GOLGA3: variants seen among roughly 807,000 people sequenced by gnomAD.
GOLGA3 encodes the protein golgin A3, also known as golgin subfamily A member 3.
GOLGA3 carries 75 observed loss-of-function variants against 169.4 expected under a neutral mutation model. The observed-to-expected ratio is 0.44, with a 90% CI of 0.37 to 0.54. The LOEUF (loss-of-function observed/expected upper bound fraction) is 0.54, where lower values mean the gene tolerates loss of function less well. GOLGA3 is among the 20% of genes least tolerant of loss of function. GOLGA3 has a pLI of 0.00. For missense variants in GOLGA3, 1,899 were observed against 1,930.0 expected, an observed-to-expected ratio of 0.98 and a Z score of 0.30; for synonymous variants, 824 against 822.4, an observed-to-expected ratio of 1.00 and a Z score of -0.03.
intron 1 of GOLGA3, among the ~76,000 whole-genome samples, chr12:132,824,732 G>A (rs888455295): frequency 5.3e-5 from 8 of 152,194 alleles, no homozygotes; most frequent in Non-Finnish European, 7.3e-5. Context: ...TTTTCCGGGT[G>A]GGTGGGTGAT....
intron 13 of GOLGA3, among the ~76,000 whole-genome samples, chr12:132,787,563 TTCCTGAGA>T (rs2045965377): frequency 1.8e-4 from 2 of 11,348 alleles, no homozygotes; most frequent in South Asian, 2.3e-3. Context: ...CCCAGGACCC[TTCCTGAGA>T]CCCCGGGACC....
chr12:132,773,236 A>G lies in GOLGA3; in HGVS notation c.4366T>C (p.Ser1456Pro). The change falls in exon 24 of 24, where the codon TCT becomes CCT. Residue 1456 changes from serine to proline, a missense_variant. Coordinates refer to ENST00000450791, the MANE Select transcript of GOLGA3 (RefSeq NM_001389683.1). ...TCCAGCGGCGTCCACGAGGACAGAG[A>G]CTCGTGCACCGTCAGGGCGTGCTCC... ...MEEHALTVHE[S>P]LSSWTPLEPA... 6.4e-7 allele frequency: 1 copy of G among 1,552,518 alleles called. No individual in the cohort carries two copies. The highest frequency in any genetic ancestry group is 1.2e-5 in the South Asian group (1 of 85,434).
rs1457823005 is a variant in GOLGA3 at position 132,782,481 on chromosome 12, T to C, written c.3280A>G (p.Arg1094Gly). 6.2e-7 allele frequency: 1 copy of C among 1,613,500 alleles called. No individual in the cohort carries two copies. The highest frequency in any genetic ancestry group is 8.5e-7 in the Non-Finnish European group (1 of 1,179,368). Residue 1094 changes from arginine (R) to glycine (G), a missense_variant, in exon 17 of 24, where the codon AGA (arginine) becomes GGA (glycine). Arg to Gly is a moderately radical substitution (Grantham distance 125). Coordinates refer to ENST00000450791, the MANE Select transcript of GOLGA3 (RefSeq NM_001389683.1). Reference sequence around the variant, plus strand: ...CGTTTTATCTTCTTCCTAAAGCCTCTGGATTCTTGAAGCTGAAACATACCA... The same window carrying C: ...CGTTTTATCTTCTTCCTAAAGCCTCCGGATTCTTGAAGCTGAAACATACCA... ...LELEDELQES[R>G]GFRKKIKRLE...
At chr12:132,791,380 G>A (rs1435294393) in intron 11 of GOLGA3, 87 bp from the exon 12 acceptor site, 4 of 710,974 alleles carry the variant, frequency 5.6e-6, no homozygotes, top group Admixed American at 2.3e-5. Flanking sequence ...GCCTCCAGGA[G>A]GGGAACACAT....
intron 23 of GOLGA3, 54 bp from the exon 24 acceptor site, chr12:132,773,348 C>T (rs190685447): frequency 8.6e-6 from 10 of 1,168,418 alleles, no homozygotes; most frequent in Admixed American, 3.2e-5. Flanking sequence ...CCAGGCAGAA[C>T]GCGCCACCTG....
intron 4 of GOLGA3, among the ~76,000 whole-genome samples, chr12:132,811,062 G>GCACGTGACC (rs936745391): frequency 1.3e-5 from 2 of 152,224 alleles, no homozygotes; most frequent in African/African-American, 4.8e-5. Context: ...TGTCCAGTGG[G>GCACGTGACC]CACGTGACCC....
chr12:132,810,824 C>T (rs923426533), intron 4 of GOLGA3, among the ~76,000 whole-genome samples: 21 of 152,326 alleles, frequency 1.4e-4, no homozygotes, highest in Middle Eastern at 3.4e-3. Flanking sequence ...GTCAGGCCCG[C>T]GCACAGTTAT....
At chr12:132,786,652 C>A in intron 14 of GOLGA3, 41 bp downstream of exon 14, 3 of 1,479,876 alleles carry the variant, frequency 2.0e-6, no homozygotes, top group Non-Finnish European at 2.8e-6. Flanking sequence ...CCGCACCTCC[C>A]ACCTGGCCCC....
chr12:132,820,893 A>G (rs1950176686), intron 2 of GOLGA3, among the ~76,000 whole-genome samples: 1 of 151,998 alleles, frequency 6.6e-6, no homozygotes, highest in African/African-American at 2.4e-5. Flanking sequence ...TGAGATCAGG[A>G]GTTCGAGACC....
rs1184870561 is a variant in GOLGA3, at chr12:132,807,939, T to C, written c.1130A>G (p.Gln377Arg). 6.3e-7 allele frequency: 1 copy of C among 1,578,816 alleles called. No individual in the cohort carries two copies. Among genetic ancestry groups the C allele is most frequent in the Non-Finnish European group, 8.6e-7 (1 of 1,158,208 alleles). The change falls in exon 5 of 24, where the codon CAG becomes CGG. Residue 377 changes from glutamine (Q) to arginine (R), a missense_variant. By Grantham distance (43) the Gln-to-Arg change is conservative. Coordinates refer to ENST00000450791, the MANE Select transcript of GOLGA3 (RefSeq NM_001389683.1). ...ACTCCGCACCTCCCCGTTGACCTCC[T>C]GCCCCTGGTCTTGGTGCTCAGCGGC... is the stretch of plus-strand genomic sequence containing the variant. ...AAAAEHQDQGQEVNGEVRSRR... is the reference protein window; with the variant it reads ...AAAAEHQDQGREVNGEVRSRR...
chr12:132,820,981 T>C (rs950247527), intron 2 of GOLGA3, among the ~76,000 whole-genome samples: 2 of 149,846 alleles, frequency 1.3e-5, no homozygotes, highest in Admixed American at 6.7e-5. Flanking sequence ...GTGCCTGTAG[T>C]CCCAGCTACT....
At chr12:132,809,637 C>T (rs1217544222) in intron 4 of GOLGA3, among the ~76,000 whole-genome samples, 1 of 152,186 alleles carries the variant, frequency 6.6e-6, no homozygotes, top group Non-Finnish European at 1.5e-5. Context: ...TCTGGTCACA[C>T]CTCACTATGT....
rs878876852 is a variant in GOLGA3 at position 132,804,529 on chromosome 12, G to A, written c.1597+187C>T. ...AGGAGGGCGTGGCGAGGACCAGTCA[G>A]GGAAGGAGGGCGTGGCGGGGACCAG... On this transcript the variant is annotated intron_variant, in intron 7 of 23. Transcript: ENST00000450791. The surrounding 1 kb of genome is among the most constrained non-coding windows in gnomAD (Gnocchi z 4.1). Among the ~76,000 whole-genome samples, 2 of 150,664 alleles carry A rather than the reference G, an allele frequency of 1.3e-5. No homozygotes were observed. Among genetic ancestry groups the A allele is most frequent in the South Asian group, 4.2e-4 (2 of 4,742 alleles).
chr12:132,786,872 C>A, intron 13 of GOLGA3, 85 bp from the exon 14 acceptor site: 3 of 933,030 alleles, frequency 3.2e-6, no homozygotes, highest in Non-Finnish European at 5.3e-6. Context: ...TCACCCCCAC[C>A]AAAGGCACTG....
In GOLGA3 at chr12:132,769,932, G is replaced by A. The variant is rs755988048; in HGVS notation, c.*3173C>T. 9 of 152,146 alleles carry A rather than the reference G, an allele frequency of 5.9e-5. No individual in the cohort carries two copies. Among genetic ancestry groups the A allele is most frequent in the Non-Finnish European group, 1.2e-4 (8 of 68,018 alleles). 9.4% of individuals were successfully genotyped at this position (152,146 alleles called of 1,614,324 possible). A position where few individuals can be genotyped will look rare whatever the true frequency, so the allele number is the denominator to read the frequency against. ...AAAAAAACCTCAACAATAAAAAAAA[G>A]CAATTTAAAAATCCAACTGCAGCCG... On this transcript the variant is annotated 3_prime_UTR_variant, in exon 24 of 24. Transcript: ENST00000450791.
intron 2 of GOLGA3, among the ~76,000 whole-genome samples, chr12:132,820,437 T>C (rs1950158979): frequency 6.6e-6 from 1 of 152,216 alleles, no homozygotes; most frequent in Non-Finnish European, 1.5e-5. Flanking sequence ...GCAGCAGATC[T>C]AAGAGCAGGT....
chr12:132,782,188 GGGCTA>G (rs2045643981), intron 17 of GOLGA3, 103 bp downstream of exon 17: 1 of 1,031,430 alleles, frequency 9.7e-7, no homozygotes, highest in Non-Finnish European at 1.5e-6. Context: ...CAGGCCGGGT[GGGCTA>G]GGAGTCAGCA....
intron 18 of GOLGA3, 142 bp downstream of exon 18, chr12:132,780,656 C>A (rs966860081): frequency 1.5e-6 from 1 of 670,340 alleles, no homozygotes; most frequent in Non-Finnish European, 2.7e-6. Context: ...AGGTGCTCTG[C>A]GGCCTCCGTC....
chr12:132,798,396 G>T lies in GOLGA3; in HGVS notation c.1882C>A (p.Gln628Lys), dbSNP rs749476848. The T allele has an allele frequency of 1.5e-5, 25 of 1,613,672 alleles. No individual in the cohort carries two copies. Among genetic ancestry groups the T allele is most frequent in the Non-Finnish European group, 1.9e-5 (22 of 1,179,914 alleles). The change falls in exon 9 of 24, where the codon CAG (glutamine) becomes AAG (lysine). Residue 628 changes from glutamine to lysine, a missense_variant. Coordinates refer to ENST00000450791, the MANE Select transcript of GOLGA3 (RefSeq NM_001389683.1). ...VSLSQQLTET[Q>K]HRSMKEKGRI... is the part of the protein sequence containing the mutation. ...CCCTTCTCCTTCATGGACCTGTGCT[G>T]AGTTTCCGTCAGCTGCTGGGACAGG...
Sources: allele counts gnomAD v4.1 joint callset (sites outside exome capture counted in the v4.1 genomes callset), GRCh38; gene constraint gnomAD v4.1.1; non-coding constraint Gnocchi (gnomAD v3.1); transcripts MANE v1.5; gene names NCBI Gene and HGNC (gene_info 2026-07-23, HGNC 2026-07-21).